CCDC158: variants seen among roughly 807,000 people sequenced by gnomAD.
CCDC158 encodes the protein coiled-coil domain containing 158, also known as coiled-coil domain-containing protein 158.
Under a neutral mutation model 138.6 loss-of-function variants are expected in CCDC158, and 116 were observed. The ratio of observed to expected loss-of-function variants is 0.84; its 90% CI spans 0.72 to 0.98. CCDC158 has a LOEUF of 0.98. Ranked by LOEUF, CCDC158 falls within the 50% of genes least tolerant of loss-of-function variation. The pLI, the probability that CCDC158 is intolerant of heterozygous loss-of-function variation, is 0.00. For missense variants in CCDC158, 1,265 were observed against 1,306.1 expected, an observed-to-expected ratio of 0.97 and a Z score of 0.48; for synonymous variants, 436 against 442.4, an observed-to-expected ratio of 0.99 and a Z score of 0.18.
intron 18 of CCDC158, among the ~76,000 whole-genome samples, chr4:76,337,866 C>T (rs1281292402): frequency 6.6e-6 from 1 of 152,210 alleles, no homozygotes; most frequent in African/African-American, 2.4e-5. Flanking sequence ...GGATCCTGCT[C>T]TCCCCTACCC....
chr4:76,396,356 G>T lies in CCDC158; in HGVS notation c.201C>A (p.Ile67=), dbSNP rs775935068. ...YEVELDSPRK[I]IPSPGKEHFE... is the part of the protein sequence containing the mutation. ...AGTGTTCCTTTCCAGGAGATGGGAT[G>T]ATTTTTCTAGGAGAATCAAGTTCCA... is the stretch of plus-strand genomic sequence containing the variant. The change falls in exon 4 of 25, where the codon ATC becomes ATA. Residue 67 remains isoleucine (I), a synonymous_variant. Transcript: ENST00000682701. 20 of 1,613,924 alleles carry T rather than the reference G, an allele frequency of 1.2e-5. No individual in the cohort carries two copies. Among genetic ancestry groups the T allele is most frequent in the Non-Finnish European group, 1.6e-5 (19 of 1,179,868 alleles).
At chr4:76,420,344 C>T (rs1353685310) in intron 1 of CCDC158, among the ~76,000 whole-genome samples, 2 of 152,178 alleles carry the variant, frequency 1.3e-5, no homozygotes, top group African/African-American at 4.8e-5. Context: ...GGGCAACAGC[C>T]GACCTCACTT....
chr4:76,359,259 C>T (rs1723892429), intron 13 of CCDC158, among the ~76,000 whole-genome samples: 1 of 152,134 alleles, frequency 6.6e-6, no homozygotes, highest in African/African-American at 2.4e-5. Context: ...ATTACTCATT[C>T]TCAGGTAGTT....
intron 21 of CCDC158, among the ~76,000 whole-genome samples, chr4:76,330,097 C>T (rs1720887943): frequency 6.6e-6 from 1 of 152,168 alleles, no homozygotes; most frequent in South Asian, 2.1e-4. Flanking sequence ...AACTCTACTG[C>T]AGAGCTTTAA....
intron 18 of CCDC158, among the ~76,000 whole-genome samples, chr4:76,347,927 G>T (rs1722714228): frequency 6.6e-6 from 1 of 152,056 alleles, no homozygotes; most frequent in African/African-American, 2.4e-5. Flanking sequence ...TTCTTACTCT[G>T]TTTGGGTTGT....
intron 9 of CCDC158, among the ~76,000 whole-genome samples, chr4:76,374,313 A>G (rs1725522770): frequency 6.6e-6 from 1 of 152,264 alleles, no homozygotes; most frequent in African/African-American, 2.4e-5. Context: ...TTTTGTTATT[A>G]TCAGGAAAGA....
chr4:76,317,852 G>C (rs183277225), intron 24 of CCDC158, among the ~76,000 whole-genome samples: 91 of 152,066 alleles, frequency 6.0e-4, no homozygotes, highest in African/African-American at 2.1e-3. Flanking sequence ...AACTCCAAAA[G>C]GAACCCTCAA....
chr4:76,376,864 A>AT (rs1725766601), intron 9 of CCDC158, among the ~76,000 whole-genome samples: 1 of 152,234 alleles, frequency 6.6e-6, no homozygotes, highest in South Asian at 2.1e-4. Context: ...AATGAAGCTG[A>AT]TATGCCCTCC....
intron 1 of CCDC158, chr4:76,414,312 T>G (rs1275773770): frequency 2.6e-5 from 4 of 152,224 alleles, no homozygotes; most frequent in African/African-American, 9.6e-5. Flanking sequence ...CTTTCTTGGG[T>G]GTTTCAAGTA....
At chr4:76,334,873 T>C (rs1386126358) in intron 18 of CCDC158, among the ~76,000 whole-genome samples, 1 of 152,242 alleles carries the variant, frequency 6.6e-6, no homozygotes, top group East Asian at 1.9e-4. Flanking sequence ...GATTGGCTGC[T>C]GAGGGATGAA....
At chr4:76,330,744 T>C (rs1366343488) in intron 21 of CCDC158, among the ~76,000 whole-genome samples, 1 of 152,194 alleles carries the variant, frequency 6.6e-6, no homozygotes, top group East Asian at 1.9e-4. Flanking sequence ...TTAAAGAATA[T>C]GGGAAGATGT....
upstream of CCDC158, among the ~76,000 whole-genome samples, chr4:76,421,435 T>A (rs1454569950): frequency 6.6e-6 from 1 of 152,028 alleles, no homozygotes; most frequent in African/African-American, 2.4e-5. Flanking sequence ...GAAACTACCC[T>A]GGGTTCGGAC....
chr4:76,391,213 T>C (rs905276607), intron 4 of CCDC158, among the ~76,000 whole-genome samples: 4 of 152,112 alleles, frequency 2.6e-5, no homozygotes, highest in South Asian at 2.1e-4. Flanking sequence ...GACACAGGAA[T>C]GTTCTGGGCA....
At chr4:76,420,716 C>A (rs1227730729) in intron 1 of CCDC158, among the ~76,000 whole-genome samples, 1 of 152,202 alleles carries the variant, frequency 6.6e-6, no homozygotes, top group Non-Finnish European at 1.5e-5. Context: ...CAAATCAAAT[C>A]AGTTTGCGCA....
At position 76,334,091 on chromosome 4, in the gene CCDC158, A is replaced by T; in HGVS notation, c.2741T>A (p.Val914Glu). The change falls in exon 19 of 25, where the codon GTG (valine) becomes GAG (glutamate). Residue 914 changes from valine to glutamate, a missense_variant. Physicochemically the swap from Val to Glu is moderately radical, Grantham distance 121 (BLOSUM62 -2). Coordinates refer to ENST00000682701, the MANE Select transcript of CCDC158 (RefSeq NM_001394954.1). ...LKQLLQELRS[V>E]INEEPAVSLS... ...AGACACAGCTGGCTCCTCATTGATC[A>T]CGCTTCTCAACTCTTGGAGAAGCTG... is the stretch of plus-strand genomic sequence containing the variant. 6.2e-7 allele frequency: 1 copy of T among 1,613,890 alleles called. No individual in the cohort carries two copies. Among genetic ancestry groups the T allele is most frequent in the South Asian group, 1.1e-5 (1 of 91,046 alleles).
At chr4:76,410,248 A>G (rs113589787) in intron 2 of CCDC158, among the ~76,000 whole-genome samples, 4,422 of 152,140 alleles carry the variant, frequency 0.029, 209 homozygotes, top group African/African-American at 0.1. Flanking sequence ...GCAGTGGCAC[A>G]ATCTTGGCTC....
At chr4:76,331,876 C>T (rs61183568) in intron 20 of CCDC158, among the ~76,000 whole-genome samples, 34,938 of 151,992 alleles carry the variant, frequency 0.23, 4,219 homozygotes, top group Middle Eastern at 0.29. Flanking sequence ...TCTTAAAGTA[C>T]GATAAATAAT....
chr4:76,316,986 T>TTTTTTTTTTTTTTTTTTTTTGA (rs1560774164), intron 24 of CCDC158, among the ~76,000 whole-genome samples: 1 of 149,924 alleles, frequency 6.7e-6, no homozygotes, highest in Non-Finnish European at 1.5e-5. Flanking sequence ...TTCTAAATCT[T>TTTTTTTTTTTTTTTTTTTTTGA]GAAATAAAAC....
intron 4 of CCDC158, among the ~76,000 whole-genome samples, chr4:76,388,923 G>A (rs1314571098): frequency 6.6e-6 from 1 of 152,134 alleles, no homozygotes; most frequent in Non-Finnish European, 1.5e-5. Context: ...ATCCCTATGA[G>A]TCTGCAAAAA....
Sources: allele counts gnomAD v4.1 joint callset (sites outside exome capture counted in the v4.1 genomes callset), GRCh38; gene constraint gnomAD v4.1.1; transcripts MANE v1.5; gene names NCBI Gene and HGNC (gene_info 2026-07-23, HGNC 2026-07-21).